PAXBP1: variants seen among roughly 807,000 people sequenced by gnomAD.
PAXBP1 encodes the protein PAX3- and PAX7-binding protein 1.
Under a neutral mutation model 119.9 loss-of-function variants are expected in PAXBP1, and 44 were observed. The observed-to-expected ratio is 0.37, with a 90% CI of 0.29 to 0.47. The LOEUF (loss-of-function observed/expected upper bound fraction) is 0.47, where lower values mean the gene tolerates loss of function less well. Among genes scored for constraint, PAXBP1 ranks in the 20% least tolerant of loss-of-function variants. The pLI is 0.99. For synonymous variants in PAXBP1, 393 were observed against 406.6 expected (o/e 0.97, Z 0.40); for missense variants, 898 against 1,134.1 (o/e 0.79, Z 2.99).
At position 32,771,359 on chromosome 21, in the gene PAXBP1, C is replaced by A. The variant is rs765886456; in HGVS notation, c.310G>T (p.Ala104Ser). The A allele has an allele frequency of 1.9e-6, 3 of 1,585,408 alleles. No individual in the cohort carries two copies. Among genetic ancestry groups the A allele is most frequent in the East Asian group, 2.4e-5 (1 of 42,302 alleles). Reference protein sequence around the residue: ...RPRENKEVPRASLLSFQDEEE... With the variant: ...RPRENKEVPRSSLLSFQDEEE... ...TCGTCCTGGAAGCTGAGCAGGCTGG[C>A]CCGGGGCACCTCTTTGTTCTCGCGA... Residue 104 changes from alanine to serine, a missense_variant, in exon 1 of 18, where the codon GCC (alanine) becomes TCC (serine). Physicochemically the swap from Ala to Ser is moderately conservative, Grantham distance 99. Coordinates refer to ENST00000331923, the MANE Select transcript of PAXBP1 (RefSeq NM_016631.4).
chr21:32,753,332 A>G (rs2146494348), intron 8 of PAXBP1, among the ~76,000 whole-genome samples: 1 of 146,780 alleles, frequency 6.8e-6, no homozygotes, highest in Middle Eastern at 3.4e-3. Context: ...TAGCTGAGGC[A>G]GGAGAATTGC....
Position 32,738,056 on chromosome 21 carries a change from T to G in PAXBP1, c.2481+117A>C, listed in dbSNP as rs560413804. 22 of 1,070,162 alleles carry G rather than the reference T, an allele frequency of 2.1e-5. No individual in the cohort carries two copies. The East Asian group carries it at 6.1e-4, about 30-fold the overall frequency. The allele number at this position is 1,070,162 out of a possible 1,614,324, so 66.3% of individuals were successfully genotyped here. On this transcript the variant is annotated intron_variant, in intron 16 of 17. Transcript: ENST00000331923. ...GGGTAGGCAAACTGTCAACCTTACA[T>G]GCAAGTCCAGTAATCAAAGGGGTTT...
At chr21:32,743,793 C>A in intron 13 of PAXBP1, 39 bp from the exon 14 acceptor site, 1 of 1,132,298 alleles carries the variant, frequency 8.8e-7, no homozygotes, top group South Asian at 1.4e-5. Context: ...TTAATAAGGA[C>A]TATGACAAGA....
chr21:32,759,501 T>C lies in PAXBP1; in HGVS notation c.1194-232A>G, dbSNP rs182883975. On this transcript the variant is annotated intron_variant, in intron 6 of 17. Transcript: ENST00000331923. Reference sequence around the variant, plus strand: ...TCTCACTGTTTTGCTTTTCCCCCCATAGCGTGACTACACTTTTTCAGAGTC... The same window carrying C: ...TCTCACTGTTTTGCTTTTCCCCCCACAGCGTGACTACACTTTTTCAGAGTC... 1.0e-5 allele frequency: 6 copies of C among 602,186 alleles called. No homozygotes were observed. The East Asian group carries it at 1.1e-4, about 11-fold the overall frequency. The allele number at this position is 602,186 out of a possible 1,614,324, so 37.3% of individuals were successfully genotyped here.
chr21:32,742,000 G>A (rs1164507988), intron 15 of PAXBP1, among the ~76,000 whole-genome samples: 2 of 152,154 alleles, frequency 1.3e-5, no homozygotes, highest in African/African-American at 4.8e-5. Context: ...TTTATTCAGT[G>A]GAAGCAGCCA....
chr21:32,755,063 A>G (rs2044021573), intron 8 of PAXBP1, 167 bp downstream of exon 8: 1 of 731,966 alleles, frequency 1.4e-6, no homozygotes, highest in Non-Finnish European at 2.0e-6. Context: ...CTTAAACACA[A>G]TTCAAGTACA....
In PAXBP1 at chr21:32,771,692, A is replaced by G; in HGVS notation, c.-24T>C. The G allele has an allele frequency of 7.2e-7, 1 of 1,379,484 alleles. No individual in the cohort carries two copies. The highest frequency in any genetic ancestry group is 9.3e-7 in the Non-Finnish European group (1 of 1,070,568). 85.5% of individuals were successfully genotyped at this position (1,379,484 alleles called of 1,614,324 possible). A position where few individuals can be genotyped will look rare whatever the true frequency, so the allele number is the denominator to read the frequency against. On this transcript the variant is annotated 5_prime_UTR_variant, in exon 1 of 18. Transcript: ENST00000331923. The stretch of plus-strand genomic sequence containing the variant: ...ATCCCCGCGGCCCGCACGGCGGTCG[A>G]ATACTCGCTTCCACACCGCGGCCCC...
intron 16 of PAXBP1, among the ~76,000 whole-genome samples, chr21:32,737,878 GGTT>G (rs1285458043): frequency 8.6e-5 from 13 of 151,926 alleles, no homozygotes; most frequent in Admixed American, 8.5e-4. Context: ...AAGATAATAA[GGTT>G]ATTATTCTGA....
At position 32,737,230 on chromosome 21, in the gene PAXBP1, CCATTT is replaced by C; in HGVS notation, c.2636+19_2636+23del. On this transcript the variant is annotated intron_variant, in intron 17 of 17. Coordinates refer to ENST00000331923, the MANE Select transcript of PAXBP1 (RefSeq NM_016631.4). ...CTGGCAACTAAACAACTCTAGATTA[CCATTT>C]CATTAATTACAAAATTACCTTGCAT... The C allele has an allele frequency of 6.7e-7, 1 of 1,484,766 alleles. No individual in the cohort carries two copies. Among genetic ancestry groups the C allele is most frequent in the Non-Finnish European group, 9.0e-7 (1 of 1,108,096 alleles). 92.0% of individuals were successfully genotyped at this position (1,484,766 alleles called of 1,614,324 possible).
At chr21:32,754,533 G>A (rs144185648) in intron 8 of PAXBP1, among the ~76,000 whole-genome samples, 24 of 152,266 alleles carry the variant, frequency 1.6e-4, no homozygotes, top group African/African-American at 4.1e-4. Flanking sequence ...AAGGACCTCC[G>A]CTGAACTATT....
Position 32,759,118 on chromosome 21 carries a change from C to A in PAXBP1, c.1345G>T (p.Gly449Trp), listed in dbSNP as rs1242731936. ...CACTCAAGCAAGTCTTGGACATACC[C>A]TCGCATTTCTTGCAAAAATTTATAC... is the stretch of plus-strand genomic sequence containing the variant. ...ERYKFLQEMR[G>W]YVQDLLECFS... Residue 449 changes from glycine to tryptophan, a missense_variant, in exon 7 of 18, where the codon GGG becomes TGG. By Grantham distance (184) the Gly-to-Trp change is radical. Transcript: ENST00000331923. 1 of 1,613,918 alleles carries A rather than the reference C, an allele frequency of 6.2e-7. No homozygotes were observed. Among genetic ancestry groups the A allele is most frequent in the Non-Finnish European group, 8.5e-7 (1 of 1,179,856 alleles).
At chr21:32,742,870 T>C in intron 15 of PAXBP1, 2 of 366,120 alleles carry the variant, frequency 5.5e-6, no homozygotes, top group East Asian at 7.3e-5. Context: ...TAGGTATGTA[T>C]GTAGAGGAAA....
rs1183568803 is a variant in PAXBP1 at position 32,761,154 on chromosome 21, C to T, written c.880G>A (p.Gly294Arg). 1.2e-6 allele frequency: 2 copies of T among 1,613,312 alleles called. No homozygotes were observed. Among genetic ancestry groups the T allele is most frequent in the Non-Finnish European group, 1.7e-6 (2 of 1,179,644 alleles). Residue 294 changes from glycine (G) to arginine (R), a missense_variant, in exon 5 of 18, where the codon GGG becomes AGG. Gly to Arg is a moderately radical substitution (Grantham distance 125). Coordinates refer to ENST00000331923, the MANE Select transcript of PAXBP1 (RefSeq NM_016631.4). ...GTTACTAAAGCATCATCATCACTCCCCTCAATTCCTACAGCCATGAGCAAC... is the reference window on the plus strand; with the variant it reads ...GTTACTAAAGCATCATCATCACTCCTCTCAATTCCTACAGCCATGAGCAAC... ...QKIAEEIGIEGSDDDALVTGE... is the reference protein window; with the variant it reads ...QKIAEEIGIERSDDDALVTGE...
In PAXBP1 at chr21:32,734,097, G is replaced by A. The variant is rs2043659098; in HGVS notation, c.*853C>T. 6.6e-6 allele frequency: 1 copy of A among 152,624 alleles called. No homozygotes were observed. Among genetic ancestry groups the A allele is most frequent in the African/African-American group, 2.4e-5 (1 of 41,446 alleles). 9.5% of individuals were successfully genotyped at this position (152,624 alleles called of 1,614,324 possible). A position where few individuals can be genotyped will look rare whatever the true frequency, so the allele number is the denominator to read the frequency against. On this transcript the variant is annotated 3_prime_UTR_variant, in exon 18 of 18. Coordinates refer to ENST00000331923, the MANE Select transcript of PAXBP1 (RefSeq NM_016631.4). ...ACCATGGATATTAAATTGCCTGGGT[G>A]TGGCTAATCAGCAAGGCGTATTCTT...
chr21:32,759,166 A>C lies in PAXBP1; in HGVS notation c.1297T>G (p.Ser433Ala). 1 of 1,613,944 alleles carries C rather than the reference A, an allele frequency of 6.2e-7. No homozygotes were observed. Among genetic ancestry groups the C allele is most frequent in the Non-Finnish European group, 8.5e-7 (1 of 1,179,914 alleles). ...STRAIERLEGSSGGIGERYKF... is the reference protein window; with the variant it reads ...STRAIERLEGASGGIGERYKF... ...TACCGTTCACCAATACCCCCAGAAG[A>C]CCCTTCTAATCTTTCAATAGCCCTG... The change falls in exon 7 of 18, where the codon TCT becomes GCT. Residue 433 changes from serine to alanine, a missense_variant. This residue lies in a region of PAXBP1 where 599 missense variants were observed against 852.7 expected (regional missense o/e 0.70). Coordinates refer to ENST00000331923, the MANE Select transcript of PAXBP1 (RefSeq NM_016631.4).
intron 5 of PAXBP1, 118 bp downstream of exon 5, chr21:32,760,941 A>G: frequency 1.5e-6 from 1 of 667,944 alleles, no homozygotes; most frequent in Non-Finnish European, 2.6e-6. Flanking sequence ...GTGTCTCCTC[A>G]TGGGATTTTG....
At chr21:32,759,340 A>T in intron 6 of PAXBP1, 71 bp from the exon 7 acceptor site, 1 of 1,348,634 alleles carries the variant, frequency 7.4e-7, no homozygotes, top group Non-Finnish European at 1.0e-6. Context: ...CTCTTGCAAT[A>T]TTAAAATATG....
At chr21:32,763,131 A>T (rs2044178391) in intron 3 of PAXBP1, among the ~76,000 whole-genome samples, 1 of 152,168 alleles carries the variant, frequency 6.6e-6, no homozygotes, top group Non-Finnish European at 1.5e-5. Flanking sequence ...CTCCATAAAC[A>T]TAATTTTTAA....
Position 32,761,117 on chromosome 21 carries a change from T to C in PAXBP1, c.917A>G (p.Asp306Gly). ...CTGTTCCCATCGGCTGAGCTCTTCATCCTGTTCTCCAGTTACTAAAGCATC... is the reference window on the plus strand; with the variant it reads ...CTGTTCCCATCGGCTGAGCTCTTCACCCTGTTCTCCAGTTACTAAAGCATC... ...DDDALVTGEQ[D>G]EELSRWEQEQ... The change falls in exon 5 of 18, where the codon GAT (aspartate) becomes GGT (glycine). Residue 306 changes from aspartate (D) to glycine (G), a missense_variant. Asp to Gly is a moderately conservative substitution (Grantham distance 94, BLOSUM62 -1). Coordinates refer to ENST00000331923, the MANE Select transcript of PAXBP1 (RefSeq NM_016631.4). 1 of 1,614,118 alleles carries C rather than the reference T, an allele frequency of 6.2e-7. No homozygotes were observed. Among genetic ancestry groups the C allele is most frequent in the Non-Finnish European group, 8.5e-7 (1 of 1,180,020 alleles).
Sources: gnomAD v4.1 joint callset for allele counts (sites outside exome capture counted in the v4.1 genomes callset) on GRCh38, gnomAD v4.1.1 for gene constraint, gnomAD v4.1.1 regional missense constraint, MANE v1.5 for transcripts, NCBI Gene and HGNC (gene_info 2026-07-23, HGNC 2026-07-21) for gene names.